The following WDPCP variants were observed in gnomAD, a reference collection of about 807,000 sequenced individuals.
The protein encoded by WDPCP is WD repeat containing planar cell polarity effector, also known as WD repeat-containing and planar cell polarity effector protein fritz homolog.
WDPCP carries 71 observed loss-of-function variants against 93.1 expected under a neutral mutation model. That is an observed-to-expected ratio of 0.76 (90% CI 0.63 to 0.93). The LOEUF (loss-of-function observed/expected upper bound fraction) is 0.93. WDPCP is among the 40% of genes least tolerant of loss of function. The pLI is 0.00. For missense variants in WDPCP, 844 were observed against 887.4 expected, an observed-to-expected ratio of 0.95 and a Z score of 0.62; for synonymous variants, 315 against 315.0, an observed-to-expected ratio of 1.00 and a Z score of 0.00.
At chr2:63,645,262 C>T (rs570103454) in intron 3 of WDPCP, among the ~76,000 whole-genome samples, 5 of 152,246 alleles carry the variant, frequency 3.3e-5, no homozygotes, top group African/African-American at 1.2e-4. Flanking sequence ...TATTCACACG[C>T]TCATCACTCA....
At chr2:63,605,043 T>G (rs953632443) in intron 3 of WDPCP, among the ~76,000 whole-genome samples, 13 of 152,102 alleles carry the variant, frequency 8.5e-5, no homozygotes, top group African/African-American at 2.4e-4. Context: ...GTGACAGCAG[T>G]TGAGATTTAT....
At chr2:63,364,513 T>C (rs1176706887) in intron 12 of WDPCP, among the ~76,000 whole-genome samples, 1 of 152,186 alleles carries the variant, frequency 6.6e-6, no homozygotes, top group Non-Finnish European at 1.5e-5. Context: ...ATTTTCACGG[T>C]TGTTTGTCTT....
At chr2:63,216,283 A>C (rs939857736) in intron 14 of WDPCP, among the ~76,000 whole-genome samples, 3 of 152,232 alleles carry the variant, frequency 2.0e-5, no homozygotes, top group African/African-American at 7.2e-5. Context: ...CACTATTCAC[A>C]ATAGCAAAGA....
intron 14 of WDPCP, among the ~76,000 whole-genome samples, chr2:63,207,433 G>A (rs1368516249): frequency 1.3e-5 from 2 of 152,264 alleles, no homozygotes; most frequent in East Asian, 3.9e-4. Context: ...CATGCCTCCT[G>A]TACAGCCTGC....
At chr2:63,778,814 AT>A (rs1670344779) in intron 2 of WDPCP, among the ~76,000 whole-genome samples, 1 of 152,196 alleles carries the variant, frequency 6.6e-6, no homozygotes, top group Admixed American at 6.5e-5. Context: ...CATCCTCTAT[AT>A]AATATTGCCA....
chr2:63,796,726 T>A (rs1426925387), intron 2 of WDPCP, among the ~76,000 whole-genome samples: 1 of 152,162 alleles, frequency 6.6e-6, no homozygotes, highest in Non-Finnish European at 1.5e-5. Flanking sequence ...TACCACAGGA[T>A]AAAATGCTCT....
chr2:63,396,650 G>A (rs1276742359), intron 10 of WDPCP, among the ~76,000 whole-genome samples: 2 of 117,972 alleles, frequency 1.7e-5, no homozygotes, highest in African/African-American at 6.2e-5. Flanking sequence ...AACCACTAAA[G>A]TATTTCTCTT....
chr2:63,549,973 C>G (rs917250504), intron 1 of WDPCP, among the ~76,000 whole-genome samples: 20 of 151,984 alleles, frequency 1.3e-4, no homozygotes, highest in Admixed American at 6.6e-5. Flanking sequence ...TCTCCCACTG[C>G]TTCCCTCCAC....
intron 3 of WDPCP, among the ~76,000 whole-genome samples, chr2:63,625,495 T>C (rs1709800039): frequency 6.6e-6 from 1 of 152,112 alleles, no homozygotes; most frequent in African/African-American, 2.4e-5. Context: ...GGATACAAAA[T>C]CAATGTGCAA....
chr2:63,526,263 T>C (rs755010081), intron 1 of WDPCP, among the ~76,000 whole-genome samples: 3 of 152,212 alleles, frequency 2.0e-5, no homozygotes, highest in Non-Finnish European at 2.9e-5. Flanking sequence ...TGAGTACTTG[T>C]TTTCCAGCCT....
At chr2:63,735,019 CTG>C (rs1669619658) in intron 2 of WDPCP, among the ~76,000 whole-genome samples, 1 of 152,168 alleles carries the variant, frequency 6.6e-6, no homozygotes, top group Non-Finnish European at 1.5e-5. Flanking sequence ...CATGGTAACT[CTG>C]ATATCATTTA....
At chr2:63,514,047 A>G (rs1229530923) in intron 1 of WDPCP, among the ~76,000 whole-genome samples, 2 of 152,176 alleles carry the variant, frequency 1.3e-5, no homozygotes, top group Admixed American at 1.3e-4. Context: ...CAAAGTAAGA[A>G]GGTAATCGGT....
At chr2:63,289,097 G>C (rs985816193) in intron 13 of WDPCP, among the ~76,000 whole-genome samples, 30 of 152,060 alleles carry the variant, frequency 2.0e-4, no homozygotes, top group African/African-American at 7.0e-4. Flanking sequence ...CCACTGCAAA[G>C]TTATTCCTTT....
chr2:63,383,661 C>G (rs1471527171), intron 10 of WDPCP, among the ~76,000 whole-genome samples: 1 of 152,108 alleles, frequency 6.6e-6, no homozygotes, highest in African/African-American at 2.4e-5. Flanking sequence ...TGCGTTGAAC[C>G]AAGATCACAC....
chr2:63,551,105 T>C (rs1705601419), intron 1 of WDPCP, among the ~76,000 whole-genome samples: 1 of 152,228 alleles, frequency 6.6e-6, no homozygotes, highest in Non-Finnish European at 1.5e-5. Flanking sequence ...ATCTCTTCTC[T>C]GAAATATCAG....
chr2:63,771,879 T>C (rs1236940344), intron 2 of WDPCP, among the ~76,000 whole-genome samples: 1 of 152,052 alleles, frequency 6.6e-6, no homozygotes, highest in Admixed American at 6.6e-5. Flanking sequence ...TTACTTTTGA[T>C]ATTTTTTTAA....
At chr2:63,327,840 C>G (rs1423483571) in intron 12 of WDPCP, among the ~76,000 whole-genome samples, 4 of 152,176 alleles carry the variant, frequency 2.6e-5, no homozygotes, top group African/African-American at 4.8e-5. Flanking sequence ...TACAGATGGT[C>G]TTACAAATGG....
At chr2:63,583,818 A>G (rs757073176) in intron 1 of WDPCP, among the ~76,000 whole-genome samples, 10 of 152,160 alleles carry the variant, frequency 6.6e-5, no homozygotes, top group Non-Finnish European at 1.2e-4. Flanking sequence ...GTTTCATATA[A>G]AATAGGATAC....
At chr2:63,433,180 T>A (rs1039241262) in intron 9 of WDPCP, among the ~76,000 whole-genome samples, 3 of 152,210 alleles carry the variant, frequency 2.0e-5, no homozygotes, top group Admixed American at 6.5e-5. Flanking sequence ...TCATAATCTA[T>A]AGCTCTCCTT....
Sources: gnomAD v4.1 joint callset for allele counts (sites outside exome capture counted in the v4.1 genomes callset) on GRCh38, gnomAD v4.1.1 for gene constraint, MANE v1.5 for transcripts, NCBI Gene and HGNC (gene_info 2026-07-23, HGNC 2026-07-21) for gene names.